Variants in SNTG2 observed in about 807,000 individuals in gnomAD.
SNTG2 encodes the protein gamma-2-syntrophin.
SNTG2 carries 74 observed loss-of-function variants against 70.9 expected under a neutral mutation model. The observed-to-expected ratio is 1.04, with a 90% CI of 0.86 to 1.27. The LOEUF (loss-of-function observed/expected upper bound fraction) is 1.27. SNTG2 is among the 50% of genes most tolerant of loss of function. The probability of loss-of-function intolerance (pLI) is 0.00; values close to 1 mark genes in which losing one functional copy is unlikely to be tolerated. For missense variants in SNTG2, 717 were observed against 690.7 expected (o/e 1.04, Z -0.43); for synonymous variants, 278 against 273.8 (o/e 1.02, Z -0.15).
chr2:1,249,514 A>G (rs916640880), intron 12 of SNTG2, among the ~76,000 whole-genome samples: 1 of 152,100 alleles, frequency 6.6e-6, no homozygotes, highest in Non-Finnish European at 1.5e-5. Flanking sequence ...CAGGGAGTAT[A>G]CTCTCTCTGG....
At chr2:1,215,802 G>C (rs1572748227) in intron 9 of SNTG2, among the ~76,000 whole-genome samples, 3 of 150,178 alleles carry the variant, frequency 2.0e-5, no homozygotes, top group South Asian at 2.1e-4. Context: ...AGAACATGCA[G>C]TGTTTGGTTT....
At chr2:1,214,765 A>G (rs896923538) in intron 9 of SNTG2, among the ~76,000 whole-genome samples, 1 of 152,176 alleles carries the variant, frequency 6.6e-6, no homozygotes, top group African/African-American at 2.4e-5. Context: ...CACTTCCAGT[A>G]CTATGTTGTA....
intron 6 of SNTG2, among the ~76,000 whole-genome samples, chr2:1,153,090 C>T (rs1009650347): frequency 2.0e-5 from 3 of 151,154 alleles, no homozygotes; most frequent in African/African-American, 7.3e-5. Context: ...CACCATTGCA[C>T]TCCAGCCTGG....
chr2:1,129,491 A>G lies in SNTG2; in HGVS notation c.326-8131A>G, dbSNP rs185590520. The stretch of plus-strand genomic sequence containing the variant: ...CAATTTTGGATAAATTTGGAAATTA[A>G]TAATTTCATCACGGTTGTCTCATCT... On this transcript the variant is annotated intron_variant, in intron 4 of 16. Coordinates refer to ENST00000308624, the MANE Select transcript of SNTG2 (RefSeq NM_018968.4). 3.8e-3 allele frequency among the ~76,000 whole-genome samples: 581 copies of G among 152,362 alleles called. 7 individuals carry two copies. Among genetic ancestry groups the G allele is most frequent in the Non-Finnish European group, 2.7e-3 (186 of 68,036 alleles).
intron 1 of SNTG2, among the ~76,000 whole-genome samples, chr2:955,677 G>A (rs918738273): frequency 6.6e-6 from 1 of 152,246 alleles, no homozygotes; most frequent in African/African-American, 2.4e-5. Flanking sequence ...GCACAGCCAT[G>A]GGGACGCACT....
intron 1 of SNTG2, among the ~76,000 whole-genome samples, chr2:960,161 G>A (rs1463688771): frequency 6.6e-6 from 1 of 152,238 alleles, no homozygotes; most frequent in Non-Finnish European, 1.5e-5. Context: ...TTAATGACAC[G>A]GTCCTTTGCC....
At chr2:1,185,932 A>AG (rs1350810154) in intron 8 of SNTG2, among the ~76,000 whole-genome samples, 1 of 152,230 alleles carries the variant, frequency 6.6e-6, no homozygotes, top group Non-Finnish European at 1.5e-5. Context: ...CCACATGGAT[A>AG]GGCTGCAAAT....
intron 1 of SNTG2, among the ~76,000 whole-genome samples, chr2:951,449 C>T (rs1659959628): frequency 1.3e-5 from 2 of 152,134 alleles, no homozygotes; most frequent in African/African-American, 4.8e-5. Context: ...GGCGGTGGCT[C>T]GGACCGGAGC....
At chr2:1,089,457 A>G (rs1664879273) in intron 2 of SNTG2, among the ~76,000 whole-genome samples, 4 of 152,208 alleles carry the variant, frequency 2.6e-5, no homozygotes, top group Non-Finnish European at 5.9e-5. Flanking sequence ...CAACATGGTG[A>G]AACCCCGTTT....
At chr2:1,320,342 G>A (rs1681462453) in intron 16 of SNTG2, among the ~76,000 whole-genome samples, 1 of 151,902 alleles carries the variant, frequency 6.6e-6, no homozygotes, top group African/African-American at 2.4e-5. Context: ...AGACCATCCT[G>A]GCTGACACAG....
chr2:1,037,500 TTGCATGCTCCCTGCCCCAGTCCC>T (rs1661196925), intron 1 of SNTG2, among the ~76,000 whole-genome samples: 1 of 152,196 alleles, frequency 6.6e-6, no homozygotes, highest in Non-Finnish European at 1.5e-5. Flanking sequence ...TACAGCCATT[TTGCATGCTCCCTGCCCCAGTCCC>T]TGGCCACCAG....
chr2:1,240,428 A>C (rs766163241), intron 11 of SNTG2, among the ~76,000 whole-genome samples: 38 of 152,320 alleles, frequency 2.5e-4, no homozygotes, highest in Admixed American at 3.9e-4. Flanking sequence ...TTTTTAAGCC[A>C]CTGTGTTATT....
At chr2:1,192,741 C>A (rs1380405912) in intron 8 of SNTG2, among the ~76,000 whole-genome samples, 2 of 152,100 alleles carry the variant, frequency 1.3e-5, no homozygotes, top group African/African-American at 4.8e-5. Flanking sequence ...ATCACACCGT[C>A]CCTCCTACAC....
chr2:1,147,375 C>T (rs1026944187), intron 6 of SNTG2, among the ~76,000 whole-genome samples: 1 of 152,178 alleles, frequency 6.6e-6, no homozygotes, highest in African/African-American at 2.4e-5. Context: ...AGCACCATCT[C>T]ATCAGCTGCC....
intron 11 of SNTG2, among the ~76,000 whole-genome samples, chr2:1,243,792 C>T (rs1220174054): frequency 6.6e-6 from 1 of 152,206 alleles, no homozygotes; most frequent in Non-Finnish European, 1.5e-5. Flanking sequence ...AATGAGGGAG[C>T]CGAGGTGGGC....
At chr2:993,180 G>A (rs965156768) in intron 1 of SNTG2, among the ~76,000 whole-genome samples, 1 of 148,842 alleles carries the variant, frequency 6.7e-6, no homozygotes, top group Non-Finnish European at 1.5e-5. Flanking sequence ...ACCCACTAAC[G>A]TGTCATCTAG....
At chr2:1,366,909 G>C (rs1370088470) in intron 16 of SNTG2, among the ~76,000 whole-genome samples, 3 of 152,228 alleles carry the variant, frequency 2.0e-5, no homozygotes, top group Non-Finnish European at 2.9e-5. Context: ...ACAATGGCTA[G>C]TTCTGCCAAC....
intron 4 of SNTG2, among the ~76,000 whole-genome samples, chr2:1,099,952 G>T (rs1665675660): frequency 6.6e-6 from 1 of 152,166 alleles, no homozygotes; most frequent in Admixed American, 6.5e-5. Context: ...TGCAGCAGAT[G>T]GGATTCCATT....
At chr2:1,306,685 AGTGTGTGTGT>A (rs34835668) in intron 14 of SNTG2, among the ~76,000 whole-genome samples, 2 of 149,004 alleles carry the variant, frequency 1.3e-5, no homozygotes, top group Non-Finnish European at 3.0e-5. Flanking sequence ...CCAGGGTGTG[AGTGTGTGTGT>A]GTGTGTGTGT....
Sources: allele counts gnomAD v4.1 joint callset (sites outside exome capture counted in the v4.1 genomes callset), GRCh38; gene constraint gnomAD v4.1.1; transcripts MANE v1.5; gene names NCBI Gene and HGNC (gene_info 2026-07-23, HGNC 2026-07-21).